TXLNA: variants seen among roughly 807,000 people sequenced by gnomAD.
TXLNA encodes the protein alpha-taxilin.
TXLNA carries 9 observed loss-of-function variants against 61.4 expected under a neutral mutation model. That is an observed-to-expected ratio of 0.15 (90% CI 0.09 to 0.26). The LOEUF (loss-of-function observed/expected upper bound fraction) is 0.26, where lower values mean the gene tolerates loss of function less well. Among genes scored for constraint, TXLNA ranks in the 10% least tolerant of loss-of-function variants. The pLI is 1.00. For synonymous variants in TXLNA, 257 were observed against 267.7 expected, an observed-to-expected ratio of 0.96 and a Z score of 0.39; for missense variants, 565 against 688.8, an observed-to-expected ratio of 0.82 and a Z score of 2.01.
At chr1:32,187,555 G>A (rs1642813899) in intron 4 of TXLNA, among the ~76,000 whole-genome samples, 1 of 152,144 alleles carries the variant, frequency 6.6e-6, no homozygotes, top group Non-Finnish European at 1.5e-5. Flanking sequence ...GAATGCGAGG[G>A]AGCGATGGGG....
rs756624102 is a variant in TXLNA, at chr1:32,181,513, G to A, written c.441G>A (p.Gln147=). The A allele has an allele frequency of 1.2e-6, 2 of 1,600,844 alleles. No individual in the cohort carries two copies. Among genetic ancestry groups the A allele is most frequent in the Non-Finnish European group, 1.7e-6 (2 of 1,173,436 alleles). ...KGDPNTEEIR[Q]SDEVGDRDHR... ...ATCCAAACACAGAAGAGATCCGGCA[G>A]AGTGACGAGGTCGGAGACCGAGACC... Residue 147 remains glutamine, a synonymous_variant, in exon 3 of 11, where the codon CAG becomes CAA. Coordinates refer to ENST00000373610, the MANE Select transcript of TXLNA (RefSeq NM_175852.4).
rs1305735583 is a variant in TXLNA at position 32,180,391 on chromosome 1, C to T, written c.46C>T (p.Pro16Ser). The stretch of plus-strand genomic sequence containing the variant: ...GAACGGGGCTGCCAAACAATCCAAT[C>T]CAAAAAGCAGCCCAGGACAACCGGA... ...KKNGAAKQSN[P>S]KSSPGQPEAG... The change falls in exon 2 of 11, where the codon CCA (proline) becomes TCA (serine). Residue 16 changes from proline to serine, a missense_variant. Physicochemically the swap from Pro to Ser is moderately conservative, Grantham distance 74. Around this residue, in one of 2 missense-constraint regions of TXLNA, gnomAD observed 192 missense variants for 184.8 expected, o/e 1.04. Transcript: ENST00000373610. 3 of 1,613,964 alleles carry T rather than the reference C, an allele frequency of 1.9e-6. No individual in the cohort carries two copies. The African/African-American group carries it at 4.0e-5, about 22-fold the overall frequency.
rs1643030854 is a variant in TXLNA at position 32,196,613 on chromosome 1, A to T, written c.*1418A>T. On this transcript the variant is annotated 3_prime_UTR_variant, in exon 11 of 11. Transcript: ENST00000373610. ...TATGCTGAATGTTCTGCTGTTGCAA[A>T]CTTGCCAGGGTATTAGCCAGTGTTT... 6.6e-6 allele frequency: 1 copy of T among 152,136 alleles called. No individual in the cohort carries two copies. Among genetic ancestry groups the T allele is most frequent in the Admixed American group, 6.5e-5 (1 of 15,272 alleles). The allele number at this position is 152,136 out of a possible 1,614,324, so 9.4% of individuals were successfully genotyped here. A position where few individuals can be genotyped will look rare whatever the true frequency, so the allele number is the denominator to read the frequency against.
intron 5 of TXLNA, 63 bp from the exon 6 acceptor site, chr1:32,189,992 T>C: frequency 6.7e-7 from 1 of 1,487,930 alleles, no homozygotes; most frequent in South Asian, 1.3e-5. Flanking sequence ...ATCTGTGGAC[T>C]AGCTGGGGGA....
intron 4 of TXLNA, among the ~76,000 whole-genome samples, chr1:32,185,757 G>A (rs1642776098): frequency 6.7e-6 from 1 of 150,054 alleles, no homozygotes; most frequent in Non-Finnish European, 1.5e-5. Context: ...GGAGTGCAGT[G>A]GCGCGATCTC....
intron 5 of TXLNA, among the ~76,000 whole-genome samples, chr1:32,189,515 T>C (rs1410932673): frequency 1.3e-5 from 2 of 150,448 alleles, no homozygotes; most frequent in Admixed American, 6.6e-5. Flanking sequence ...CTTACATGTG[T>C]GCATGTGTGC....
chr1:32,195,343 G>C lies in TXLNA; in HGVS notation c.*148G>C. On this transcript the variant is annotated 3_prime_UTR_variant, in exon 11 of 11. Coordinates refer to ENST00000373610, the MANE Select transcript of TXLNA (RefSeq NM_175852.4). ...GGCACTTGCAATTTTGGATTTTGTG[G>C]GTCAGTTTTACGTACATAGGGCATT... 1.1e-6 allele frequency: 1 copy of C among 890,822 alleles called. No individual in the cohort carries two copies. Among genetic ancestry groups the C allele is most frequent in the Non-Finnish European group, 1.7e-6 (1 of 591,854 alleles). The allele number at this position is 890,822 out of a possible 1,614,324, so 55.2% of individuals were successfully genotyped here.
rs1221456268 is a variant in TXLNA at position 32,192,581 on chromosome 1, C to T, written c.1084-76C>T. ...CTGAGAGCAGGAAGCCTCAGTGGGT[C>T]TGGTGCTTGTGGCTAAAAACCAAAC... On this transcript the variant is annotated intron_variant, in intron 7 of 10. Coordinates refer to ENST00000373610, the MANE Select transcript of TXLNA (RefSeq NM_175852.4). This position sits in a 1 kb window ranked among gnomAD's most constrained non-coding sequence, Gnocchi z 4.2. The T allele has an allele frequency of 6.3e-7, 1 of 1,599,172 alleles. No homozygotes were observed. Among genetic ancestry groups the T allele is most frequent in the East Asian group, 2.2e-5 (1 of 44,802 alleles).
rs1643053769 is a variant in TXLNA at position 32,197,691 on chromosome 1, C to T, written c.*2496C>T. 6.6e-6 allele frequency: 1 copy of T among 152,282 alleles called. No homozygotes were observed. The allele number at this position is 152,282 out of a possible 1,614,324, so 9.4% of individuals were successfully genotyped here. ...TGGTTTCTTAGATTGCTAGCTTTTC[C>T]TCCAGGGGACCACAGCAGGTGAAGC... On this transcript the variant is annotated 3_prime_UTR_variant, in exon 11 of 11. Coordinates refer to ENST00000373610, the MANE Select transcript of TXLNA (RefSeq NM_175852.4). This position sits in a 1 kb window ranked among gnomAD's most constrained non-coding sequence, Gnocchi z 4.6.
intron 6 of TXLNA, among the ~76,000 whole-genome samples, chr1:32,191,410 A>G (rs1039041605): frequency 9.2e-5 from 14 of 152,094 alleles, no homozygotes; most frequent in African/African-American, 3.4e-4. Context: ...TTTCCTTGCC[A>G]TACTTCATCC....
chr1:32,186,795 A>G (rs1431110228), intron 4 of TXLNA, among the ~76,000 whole-genome samples: 1 of 152,258 alleles, frequency 6.6e-6, no homozygotes, highest in Non-Finnish European at 1.5e-5. Context: ...GACAAAGTCT[A>G]GATCTGCGCT....
chr1:32,187,379 A>G (rs1002422914), intron 4 of TXLNA, among the ~76,000 whole-genome samples: 2 of 152,148 alleles, frequency 1.3e-5, no homozygotes, highest in African/African-American at 4.8e-5. Flanking sequence ...GGATAGGGTC[A>G]TGGGAGGGGA....
intron 2 of TXLNA, 146 bp downstream of exon 2, chr1:32,180,660 C>T: frequency 6.4e-6 from 7 of 1,090,788 alleles, no homozygotes; most frequent in Non-Finnish European, 8.9e-6. Flanking sequence ...GTCCCCCCTG[C>T]GCTCTGGCGA....
chr1:32,194,841 T>A, intron 10 of TXLNA, 61 bp from the exon 11 acceptor site: 1 of 1,529,466 alleles, frequency 6.5e-7, no homozygotes, highest in Non-Finnish European at 8.8e-7. Flanking sequence ...TGCCGCCAAG[T>A]GGTGATGGTA....
chr1:32,195,296 T>C lies in TXLNA; in HGVS notation c.*101T>C. Reference sequence around the variant, plus strand: ...GAGCAGCCCATTGCTGAAGCCAGGATGTTCTGACCTGGCTGGCATCTGGCA... The same window carrying C: ...GAGCAGCCCATTGCTGAAGCCAGGACGTTCTGACCTGGCTGGCATCTGGCA... On this transcript the variant is annotated 3_prime_UTR_variant, in exon 11 of 11. Coordinates refer to ENST00000373610, the MANE Select transcript of TXLNA (RefSeq NM_175852.4). The C allele has an allele frequency of 7.4e-7, 1 of 1,348,568 alleles. No individual in the cohort carries two copies. Among genetic ancestry groups the C allele is most frequent in the Non-Finnish European group, 1.0e-6 (1 of 1,002,008 alleles). 83.5% of individuals were successfully genotyped at this position (1,348,568 alleles called of 1,614,324 possible).
At chr1:32,180,049 C>A (rs1642617988) in intron 1 of TXLNA, 1 of 247,794 alleles carries the variant, frequency 4.0e-6, no homozygotes. Flanking sequence ...CCCGGCCTGC[C>A]GCGAGGGGGC....
At chr1:32,180,740 G>A (rs1473710819) in intron 2 of TXLNA, among the ~76,000 whole-genome samples, 2 of 152,250 alleles carry the variant, frequency 1.3e-5, no homozygotes, top group African/African-American at 2.4e-5. Context: ...GATTAAGTCA[G>A]GTGGCAGCCA....
Position 32,181,566 on chromosome 1 carries a change from C to T in TXLNA, c.494C>T (p.Ala165Val). ...DHRRPQEKKK[A>V]KGLGKEITLL... The stretch of plus-strand genomic sequence containing the variant: ...CGAAGGCCACAGGAGAAGAAAAAAG[C>T]CAAGGGTTTGGGTGAGCAGAGGGCG... The change falls in exon 3 of 11, where the codon GCC (alanine) becomes GTC (valine). Residue 165 changes from alanine to valine, a missense_variant. Physicochemically the swap from Ala to Val is moderately conservative, Grantham distance 64. Transcript: ENST00000373610. 1.3e-6 allele frequency: 2 copies of T among 1,543,656 alleles called. No individual in the cohort carries two copies. Among genetic ancestry groups the T allele is most frequent in the Middle Eastern group, 1.8e-4 (1 of 5,696 alleles).
In TXLNA at chr1:32,196,878, C is replaced by T. The variant is rs538566266; in HGVS notation, c.*1683C>T. The T allele has an allele frequency of 6.6e-6, 1 of 152,366 alleles. No individual in the cohort carries two copies. Among genetic ancestry groups the T allele is most frequent in the South Asian group, 2.1e-4 (1 of 4,830 alleles). 9.4% of individuals were successfully genotyped at this position (152,366 alleles called of 1,614,324 possible). ...GACCAGAGATGGCAAATGAATGGCA[C>T]ACCATTTCTCCTTCTCCTGCCCCAG... On this transcript the variant is annotated 3_prime_UTR_variant, in exon 11 of 11. Transcript: ENST00000373610.
Sources: gnomAD v4.1 joint callset for allele counts (sites outside exome capture counted in the v4.1 genomes callset) on GRCh38, gnomAD v4.1.1 for gene constraint, gnomAD v4.1.1 regional missense constraint, Gnocchi (gnomAD v3.1) non-coding constraint, MANE v1.5 for transcripts, NCBI Gene and HGNC (gene_info 2026-07-23, HGNC 2026-07-21) for gene names.